The following CSNK1G1 variants were observed in gnomAD, a reference collection of about 807,000 sequenced individuals.
CSNK1G1 encodes casein kinase I isoform gamma-1.
Under a neutral mutation model 59.6 loss-of-function variants are expected in CSNK1G1, and 22 were observed. That is an observed-to-expected ratio of 0.37 (90% CI 0.26 to 0.53). CSNK1G1 has a LOEUF of 0.53. CSNK1G1 is among the 20% of genes least tolerant of loss of function. The probability of loss-of-function intolerance (pLI) is 0.89; values close to 1 mark genes in which losing one functional copy is unlikely to be tolerated. For synonymous variants in CSNK1G1, 179 were observed against 177.1 expected, an observed-to-expected ratio of 1.01 and a Z score of -0.08; for missense variants, 384 against 519.5, an observed-to-expected ratio of 0.74 and a Z score of 2.54.
intron 3 of CSNK1G1, among the ~76,000 whole-genome samples, chr15:64,257,909 A>G (rs1892474958): frequency 2.0e-5 from 3 of 152,122 alleles, no homozygotes; most frequent in Non-Finnish European, 4.4e-5. Flanking sequence ...CATCTATCCA[A>G]CAAGAGTTCC....
chr15:64,246,821 A>T (rs772423960), intron 4 of CSNK1G1, among the ~76,000 whole-genome samples: 8 of 152,122 alleles, frequency 5.3e-5, no homozygotes, highest in Middle Eastern at 3.4e-3. Flanking sequence ...TACTGCAAAG[A>T]ATCCTATTAT....
At chr15:64,251,345 C>G (rs751840216) in intron 4 of CSNK1G1, 167 bp downstream of exon 4, 82 of 539,532 alleles carry the variant, frequency 1.5e-4, no homozygotes, top group Middle Eastern at 4.2e-4. Context: ...ACTCCAGGAA[C>G]CAGAGCGCAA....
Position 64,218,924 on chromosome 15 carries a change from G to A in CSNK1G1, c.293-2211C>T, listed in dbSNP as rs1236583421. 4.2e-5 allele frequency among the ~76,000 whole-genome samples: 6 copies of A among 141,620 alleles called. No homozygotes were observed. The East Asian group carries it at 6.8e-4, about 16-fold the overall frequency. The allele number at this position is 141,620 out of a possible 152,430, so 92.9% of individuals were successfully genotyped here. ...GGCTGGAGTGCACTGGCGCCATCTC[G>A]ACTCACTGCAACCTCCGCCTCCCGA... On this transcript the variant is annotated intron_variant, in intron 4 of 11. Transcript: ENST00000303052.
At chr15:64,265,665 A>T in intron 2 of CSNK1G1, 1 of 340,330 alleles carries the variant, frequency 2.9e-6, no homozygotes, top group South Asian at 2.4e-5. Context: ...ATAGCTTTAA[A>T]AAAAAAAAAA....
Position 64,203,123 on chromosome 15 carries a change from G to A in CSNK1G1, c.1066C>T (p.His356Tyr). 1 of 1,614,110 alleles carries A rather than the reference G, an allele frequency of 6.2e-7. No individual in the cohort carries two copies. The highest frequency in any genetic ancestry group is 8.5e-7 in the Non-Finnish European group (1 of 1,179,948). Residue 356 changes from histidine to tyrosine, a missense_variant, in exon 10 of 12, where the codon CAT becomes TAT. Around this residue, in one of 3 missense-constraint regions of CSNK1G1, gnomAD observed 325 missense variants for 440.9 expected, o/e 0.74. Transcript: ENST00000303052. ...TGCTGTTGTGATGGCCGATCCCTAT[G>A]TGTGTGGCTTTCTCGAGTTATTGCA... is the stretch of plus-strand genomic sequence containing the variant. Reference protein sequence around the residue: ...ASAITRESHTHRDRPSQQQPL... With the variant: ...ASAITRESHTYRDRPSQQQPL...
At chr15:64,209,311 T>TAAAA (rs1312842786) in intron 6 of CSNK1G1, among the ~76,000 whole-genome samples, 1 of 152,100 alleles carries the variant, frequency 6.6e-6, no homozygotes, top group Non-Finnish European at 1.5e-5. Flanking sequence ...GTACAGAAAG[T>TAAAA]AAAACCCAAG....
At chr15:64,328,976 A>C (rs1596284305) in intron 1 of CSNK1G1, among the ~76,000 whole-genome samples, 1 of 146,452 alleles carries the variant, frequency 6.8e-6, no homozygotes, top group Admixed American at 6.9e-5. Context: ...GGAGCTAACT[A>C]TCCTAAATAT....
At position 64,211,168 on chromosome 15, in the gene CSNK1G1, T is replaced by A. The variant is rs568736461; in HGVS notation, c.679+2722A>T. The stretch of plus-strand genomic sequence containing the variant: ...GACTAAGTAAGTGTGGCTACTCTGA[T>A]GTGGCAACTAATGCAAGGTTTAGGA... On this transcript the variant is annotated intron_variant, in intron 6 of 11. Transcript: ENST00000303052. Among the ~76,000 whole-genome samples the A allele has an allele frequency of 4.6e-4, 70 of 152,374 alleles. 1 individual carries two copies. The highest frequency in any genetic ancestry group is 3.4e-3 in the Middle Eastern group (1 of 294).
rs886416787 is a variant in CSNK1G1 at position 64,214,527 on chromosome 15, C to G, written c.445-403G>C. 3.3e-5 allele frequency among the ~76,000 whole-genome samples: 5 copies of G among 152,156 alleles called. No homozygotes were observed. Among genetic ancestry groups the G allele is most frequent in the African/African-American group, 1.2e-4 (5 of 41,420 alleles). On this transcript the variant is annotated intron_variant, in intron 5 of 11. Transcript: ENST00000303052. The surrounding 1 kb of genome is among the most constrained non-coding windows in gnomAD (Gnocchi z 4.3). ...AGACAAATGCCACTGCTACATTCACCTTCTGCCCACATCTTCTTATGCTTA... is the reference window on the plus strand; with the variant it reads ...AGACAAATGCCACTGCTACATTCACGTTCTGCCCACATCTTCTTATGCTTA...
At chr15:64,233,043 T>C (rs949023530) in intron 4 of CSNK1G1, among the ~76,000 whole-genome samples, 6 of 152,206 alleles carry the variant, frequency 3.9e-5, no homozygotes, top group Admixed American at 3.9e-4. Context: ...TTCACTTATA[T>C]GTAAGTTACA....
chr15:64,299,895 T>C (rs940593444), intron 2 of CSNK1G1, among the ~76,000 whole-genome samples: 2 of 152,130 alleles, frequency 1.3e-5, no homozygotes, highest in African/African-American at 4.8e-5. Context: ...TGAGTAAGGA[T>C]TTACTCTTTT....
chr15:64,240,819 T>C (rs529247152), intron 4 of CSNK1G1, among the ~76,000 whole-genome samples: 1 of 151,852 alleles, frequency 6.6e-6, no homozygotes, highest in South Asian at 2.1e-4. Context: ...AAGATGATAA[T>C]TACCATCATA....
intron 1 of CSNK1G1, among the ~76,000 whole-genome samples, chr15:64,313,870 CA>C (rs11402033): frequency 6.3e-5 from 9 of 143,610 alleles, no homozygotes; most frequent in African/African-American, 2.0e-4. Context: ...AGGTATATGG[CA>C]AAAAAAAAAA....
chr15:64,290,330 T>C (rs1231161400), intron 2 of CSNK1G1, among the ~76,000 whole-genome samples: 2 of 149,982 alleles, frequency 1.3e-5, no homozygotes, highest in East Asian at 1.9e-4. Context: ...CACATACACA[T>C]ACACACACAC....
intron 10 of CSNK1G1, chr15:64,189,596 G>T: frequency 2.2e-6 from 1 of 460,392 alleles, no homozygotes; most frequent in Non-Finnish European, 3.0e-6. Context: ...TTGCTGCTCT[G>T]CATGAAAACC....
chr15:64,202,936 A>C, intron 10 of CSNK1G1, 146 bp downstream of exon 10: 1 of 667,628 alleles, frequency 1.5e-6, no homozygotes, highest in Non-Finnish European at 2.7e-6. Context: ...GGGTTGCTTG[A>C]AAGTCATACC....
rs186782678 is a variant in CSNK1G1, at chr15:64,250,339, T to C, written c.292+1173A>G. Among the ~76,000 whole-genome samples the C allele has an allele frequency of 1.5e-4, 23 of 152,346 alleles. 1 individual carries two copies. The highest frequency in any genetic ancestry group is 1.4e-3 in the Admixed American group (21 of 15,302). On this transcript the variant is annotated intron_variant, in intron 4 of 11. Transcript: ENST00000303052. The stretch of plus-strand genomic sequence containing the variant: ...CTGGGTTATAACTATAGCTGATTAT[T>C]GCTATAGTCAGGGTATAATAAAACT...
chr15:64,198,928 T>G (rs1249536340), intron 10 of CSNK1G1, among the ~76,000 whole-genome samples: 4 of 151,806 alleles, frequency 2.6e-5, no homozygotes, highest in African/African-American at 9.7e-5. Flanking sequence ...TTCCAATCTC[T>G]TAGCAGCCAC....
intron 2 of CSNK1G1, among the ~76,000 whole-genome samples, chr15:64,298,042 GTTC>G (rs1289950354): frequency 6.6e-6 from 1 of 152,178 alleles, no homozygotes; most frequent in African/African-American, 2.4e-5. Flanking sequence ...AGAAAGACAA[GTTC>G]TTCTGACTAC....
Sources: gnomAD v4.1 joint callset for allele counts (sites outside exome capture counted in the v4.1 genomes callset) on GRCh38, gnomAD v4.1.1 for gene constraint, gnomAD v4.1.1 regional missense constraint, Gnocchi (gnomAD v3.1) non-coding constraint, MANE v1.5 for transcripts, NCBI Gene and HGNC (gene_info 2026-07-23, HGNC 2026-07-21) for gene names.